NOP58: variants seen among roughly 807,000 people sequenced by gnomAD.
The protein encoded by NOP58 is NOP58 ribonucleoprotein.
In NOP58, 44 loss-of-function variants were observed where a neutral mutation model predicts 71.2. That is an observed-to-expected ratio of 0.62 (90% CI 0.49 to 0.79). The LOEUF (loss-of-function observed/expected upper bound fraction) is 0.79, where lower values mean the gene tolerates loss of function less well. NOP58 is among the 30% of genes least tolerant of loss of function. The pLI is 0.00. For synonymous variants in NOP58, 228 were observed against 200.3 expected, an observed-to-expected ratio of 1.14 and a Z score of -1.17; for missense variants, 538 against 620.2, an observed-to-expected ratio of 0.87 and a Z score of 1.41.
At chr2:202,292,675 G>T (rs950401444) in intron 8 of NOP58, 102 bp from the exon 9 acceptor site, 24 of 888,136 alleles carry the variant, frequency 2.7e-5, no homozygotes, top group Non-Finnish European at 3.8e-5. Flanking sequence ...CCAGGGTTGT[G>T]TAGCTGCTCT....
chr2:202,303,103 C>T, intron 14 of NOP58, 46 bp downstream of exon 14: 1 of 1,562,076 alleles, frequency 6.4e-7, no homozygotes, highest in South Asian at 1.2e-5. Context: ...GGGGCCAGTT[C>T]TCTATATTTC....
intron 13 of NOP58, among the ~76,000 whole-genome samples, chr2:202,302,198 G>A (rs1455429277): frequency 6.9e-6 from 1 of 145,486 alleles, no homozygotes; most frequent in East Asian, 2.0e-4. Context: ...AGCAATTCTC[G>A]TGCTTCAGCC....
At chr2:202,266,205 C>T (rs1490679745) in intron 1 of NOP58, among the ~76,000 whole-genome samples, 1 of 152,100 alleles carries the variant, frequency 6.6e-6, no homozygotes, top group Non-Finnish European at 1.5e-5. Context: ...GATTTTATTT[C>T]CTCCCGTTGA....
intron 1 of NOP58, among the ~76,000 whole-genome samples, chr2:202,272,730 A>T (rs2105837663): frequency 6.6e-6 from 1 of 152,366 alleles, no homozygotes; most frequent in African/African-American, 2.4e-5. Context: ...TATTTTTAAG[A>T]GGACATGTAT....
At position 202,297,373 on chromosome 2, in the gene NOP58, T is replaced by A. The variant is rs771142927; in HGVS notation, c.1072-6T>A. On this transcript the variant is annotated splice_region_variant and splice_polypyrimidine_tract_variant and intron_variant, in intron 10 of 14. Transcript: ENST00000264279. ...TGGAATATAGTTCTTCATGTTTTTC[T>A]ATTAGATTTCTCGAATGCTGGCAGC... is the stretch of plus-strand genomic sequence containing the variant. The A allele has an allele frequency of 1.2e-6, 2 of 1,611,224 alleles. No individual in the cohort carries two copies. The highest frequency in any genetic ancestry group is 1.7e-6 in the Non-Finnish European group (2 of 1,178,788).
At chr2:202,283,602 G>A (rs1688743691) in intron 4 of NOP58, among the ~76,000 whole-genome samples, 2 of 151,630 alleles carry the variant, frequency 1.3e-5, no homozygotes, top group Admixed American at 6.6e-5. Flanking sequence ...CACCACACCC[G>A]GCTAATTTTT....
intron 2 of NOP58, among the ~76,000 whole-genome samples, chr2:202,276,763 G>A (rs539471984): frequency 2.0e-5 from 3 of 152,212 alleles, no homozygotes; most frequent in Non-Finnish European, 4.4e-5. Context: ...CTTTGAGCTC[G>A]GGAAGTCAGG....
intron 12 of NOP58, 99 bp from the exon 13 acceptor site, chr2:202,300,135 T>C (rs907412459): frequency 2.0e-6 from 2 of 993,520 alleles, no homozygotes; most frequent in Non-Finnish European, 1.5e-6. Context: ...ATTGTGTGCT[T>C]ATGTAAGTAT....
chr2:202,288,336 T>G (rs1415073909), intron 6 of NOP58, among the ~76,000 whole-genome samples: 10 of 150,958 alleles, frequency 6.6e-5, no homozygotes. Flanking sequence ...AATACAAAAT[T>G]AACCAGGCAT....
chr2:202,282,366 T>G lies in NOP58; in HGVS notation c.191T>G (p.Met64Arg). 1 of 1,611,360 alleles carries G rather than the reference T, an allele frequency of 6.2e-7. No homozygotes were observed. The highest frequency in any genetic ancestry group is 8.5e-7 in the Non-Finnish European group (1 of 1,179,470). ...TCTTGAAAAGCATTCACAGCTCTGA[T>G]GGAGGGCAAAATCAATAAGCAGCTG... ...AEALAAFTAL[M>R]EGKINKQLKK... The change falls in exon 4 of 15, where the codon ATG (methionine) becomes AGG (arginine). Residue 64 changes from methionine to arginine, a missense_variant. Transcript: ENST00000264279.
intron 1 of NOP58, among the ~76,000 whole-genome samples, chr2:202,267,064 G>T (rs1688429252): frequency 6.6e-6 from 1 of 152,146 alleles, no homozygotes; most frequent in South Asian, 2.1e-4. Flanking sequence ...CACTGAAATG[G>T]TTGAATGGTA....
In NOP58 at chr2:202,278,017, T is replaced by A. The variant is rs779675441; in HGVS notation, c.175+15T>A. On this transcript the variant is annotated intron_variant, in intron 3 of 14. Transcript: ENST00000264279. ...AGCATTAGCAGGTAAAGTAAAAAATTAGAAGCTTGCTTTTTTGAAAAAATT... is the reference window on the plus strand; with the variant it reads ...AGCATTAGCAGGTAAAGTAAAAAATAAGAAGCTTGCTTTTTTGAAAAAATT... 5 of 1,514,742 alleles carry A rather than the reference T, an allele frequency of 3.3e-6. No individual in the cohort carries two copies. The highest frequency in any genetic ancestry group is 1.8e-5 in the Admixed American group (1 of 55,922). The allele number at this position is 1,514,742 out of a possible 1,614,324, so 93.8% of individuals were successfully genotyped here.
chr2:202,276,770 C>T (rs1242761769), intron 2 of NOP58, among the ~76,000 whole-genome samples: 1 of 152,042 alleles, frequency 6.6e-6, no homozygotes, highest in Admixed American at 6.6e-5. Context: ...CTCGGGAAGT[C>T]AGGGCTGCAG....
intron 1 of NOP58, among the ~76,000 whole-genome samples, chr2:202,274,113 G>A (rs930295559): frequency 6.6e-6 from 1 of 152,174 alleles, no homozygotes; most frequent in African/African-American, 2.4e-5. Flanking sequence ...ATCTAGATGT[G>A]TCTCACAATT....
In NOP58 at chr2:202,291,968, C is replaced by CTTTTTTTTTTTTTTTTTTTTTTTT. The variant is rs869075798; in HGVS notation, c.780+711_780+734dup. ...GATACAAATGTTTATTGCTCAGAAT[C>CTTTTTTTTTTTTTTTTTTTTTTTT]TTTTTTTTTTTTTTTTTTTTTTTTT... On this transcript the variant is annotated intron_variant, in intron 8 of 14. Transcript: ENST00000264279. 4.5e-5 allele frequency among the ~76,000 whole-genome samples: 2 copies of CTTTTTTTTTTTTTTTTTTTTTTTT among 43,960 alleles called. 1 individual carries two copies. The highest frequency in any genetic ancestry group is 8.3e-5 in the Non-Finnish European group (2 of 23,982). 28.8% of individuals were successfully genotyped at this position (43,960 alleles called of 152,430 possible). A position where few individuals can be genotyped will look rare whatever the true frequency, so the allele number is the denominator to read the frequency against.
At position 202,291,282 on chromosome 2, in the gene NOP58, T is replaced by C. The variant is rs369393123; in HGVS notation, c.780+12T>C. 1 of 1,589,468 alleles carries C rather than the reference T, an allele frequency of 6.3e-7. No individual in the cohort carries two copies. Among genetic ancestry groups the C allele is most frequent in the Non-Finnish European group, 8.5e-7 (1 of 1,170,338 alleles). On this transcript the variant is annotated intron_variant, in intron 8 of 14. Coordinates refer to ENST00000264279, the MANE Select transcript of NOP58 (RefSeq NM_015934.5). Reference sequence around the variant, plus strand: ...ATCTTTGCACCCAGGTAAATTTTACTCCTGGAGAATCTAGTTGTGGTGTTA... The same window carrying C: ...ATCTTTGCACCCAGGTAAATTTTACCCCTGGAGAATCTAGTTGTGGTGTTA...
Position 202,275,253 on chromosome 2 carries a change from T to C in NOP58, c.122+64T>C, listed in dbSNP as rs571135759. The C allele has an allele frequency of 1.2e-5, 10 of 801,110 alleles. No individual in the cohort carries two copies. In the African/African-American group the frequency reaches 1.4e-4, roughly 11 times the overall value. 49.6% of individuals were successfully genotyped at this position (801,110 alleles called of 1,614,324 possible). A position where few individuals can be genotyped will look rare whatever the true frequency, so the allele number is the denominator to read the frequency against. ...TTAGGGCTTGTTTTATTTTTTACAT[T>C]TTTCCCTGATTTATATAATGTTACA... is the stretch of plus-strand genomic sequence containing the variant. On this transcript the variant is annotated intron_variant, in intron 2 of 14. Transcript: ENST00000264279.
chr2:202,285,411 C>T (rs888899608), intron 5 of NOP58, among the ~76,000 whole-genome samples: 5 of 137,856 alleles, frequency 3.6e-5, no homozygotes, highest in African/African-American at 1.1e-4. Context: ...TGCAGTGGTG[C>T]GATCTTGGCT....
At chr2:202,301,511 C>T (rs930586043) in intron 13 of NOP58, among the ~76,000 whole-genome samples, 1 of 152,126 alleles carries the variant, frequency 6.6e-6, no homozygotes, top group African/African-American at 2.4e-5. Context: ...GTGACAATTC[C>T]AGTTGCTTTG....
Sources: gnomAD v4.1 joint callset for allele counts (sites outside exome capture counted in the v4.1 genomes callset) on GRCh38, gnomAD v4.1.1 for gene constraint, MANE v1.5 for transcripts, NCBI Gene and HGNC (gene_info 2026-07-23, HGNC 2026-07-21) for gene names.